Variants in NRP2 observed in about 807,000 individuals in gnomAD.
NRP2 encodes neuropilin 2.
In NRP2, 52 loss-of-function variants were observed where a neutral mutation model predicts 110.4. The observed-to-expected ratio is 0.47, with a 90% CI of 0.38 to 0.59. The LOEUF (loss-of-function observed/expected upper bound fraction) is 0.59, where lower values mean the gene tolerates loss of function less well. NRP2 is among the 20% of genes least tolerant of loss of function. The probability of loss-of-function intolerance (pLI) is 0.00; values close to 1 mark genes in which losing one functional copy is unlikely to be tolerated. For synonymous variants in NRP2, 508 were observed against 468.9 expected (o/e 1.08, Z -1.08); for missense variants, 1,049 against 1,203.0 (o/e 0.87, Z 1.89).
chr2:205,688,611 G>A (rs900102762), intron 1 of NRP2, among the ~76,000 whole-genome samples: 1 of 152,130 alleles, frequency 6.6e-6, no homozygotes, highest in Non-Finnish European at 1.5e-5. Flanking sequence ...TTTAGATAAG[G>A]CTGAGCTCCG....
intron 7 of NRP2, among the ~76,000 whole-genome samples, chr2:205,729,090 C>A (rs1258043771): frequency 2.0e-5 from 3 of 152,230 alleles, no homozygotes; most frequent in Non-Finnish European, 4.4e-5. Context: ...ATCTCCTCAG[C>A]CCCTGTCACT....
chr2:205,756,196 GT>G (rs1368792907), intron 12 of NRP2, among the ~76,000 whole-genome samples: 1 of 152,084 alleles, frequency 6.6e-6, no homozygotes, highest in Non-Finnish European at 1.5e-5. Context: ...TGCCTGGAGT[GT>G]GTTCACACCA....
chr2:205,796,430 ACACACATACACACATGCACGCACG>A lies in NRP2; in HGVS notation c.*1376_*1399del, dbSNP rs1332101900. The A allele has an allele frequency of 6.6e-6, 1 of 152,456 alleles. No individual in the cohort carries two copies. Among genetic ancestry groups the A allele is most frequent in the Non-Finnish European group, 1.5e-5 (1 of 67,994 alleles). 9.4% of individuals were successfully genotyped at this position (152,456 alleles called of 1,614,324 possible). On this transcript the variant is annotated 3_prime_UTR_variant, in exon 17 of 17. Coordinates refer to ENST00000357785, the MANE Select transcript of NRP2 (RefSeq NM_003872.3). The stretch of plus-strand genomic sequence containing the variant: ...CACACGCATACACACATGCACGCAC[ACACACATACACACATGCACGCACG>A]CACGCATGCACACCAATTTATGTTT...
chr2:205,761,424 T>G (rs2057819702), intron 12 of NRP2: 1 of 152,218 alleles, frequency 6.6e-6, no homozygotes, highest in South Asian at 2.1e-4. Context: ...CAGTGAGTGA[T>G]TACCTGCTGA....
At position 205,776,606 on chromosome 2, in the gene NRP2, C is replaced by T. The variant is rs544382153; in HGVS notation, c.2425+9803C>T. On this transcript the variant is annotated intron_variant, in intron 15 of 16. Transcript: ENST00000357785. ...CCTCGATTTTGCACTTTTTTCTCCT[C>T]GCCTAGTTTCTGTGTGAACTCTCAG... 2.6e-5 allele frequency: 42 copies of T among 1,597,980 alleles called. 1 individual carries two copies. In the South Asian group the frequency reaches 4.2e-4, roughly 16 times the overall value.
chr2:205,784,961 A>G (rs35823952), intron 15 of NRP2, among the ~76,000 whole-genome samples: 9,622 of 152,186 alleles, frequency 0.063, 414 homozygotes, highest in African/African-American at 0.11. Flanking sequence ...CCAGCAAGCT[A>G]TTGGGGGAAA....
At chr2:205,707,259 A>G (rs563933837) in intron 2 of NRP2, among the ~76,000 whole-genome samples, 1 of 152,358 alleles carries the variant, frequency 6.6e-6, no homozygotes, top group East Asian at 1.9e-4. Flanking sequence ...TTCAGAATGC[A>G]GCTGTCGAAA....
intron 1 of NRP2, among the ~76,000 whole-genome samples, chr2:205,696,320 C>G (rs1190472242): frequency 2.0e-5 from 3 of 152,098 alleles, no homozygotes; most frequent in Non-Finnish European, 4.4e-5. Context: ...GGAGAAAGAC[C>G]CATCCTGGAG....
At chr2:205,776,653 A>C (rs1288978268) in intron 15 of NRP2, 1 of 1,567,230 alleles carries the variant, frequency 6.4e-7, no homozygotes, top group African/African-American at 1.3e-5. Context: ...CCGGATCCCC[A>C]ACCCTGAGCA....
chr2:205,785,044 C>T (rs1000826079), intron 15 of NRP2, among the ~76,000 whole-genome samples: 8 of 152,212 alleles, frequency 5.3e-5, no homozygotes, highest in Admixed American at 3.3e-4. Flanking sequence ...CATTCATTCT[C>T]ATTCATTCTT....
At chr2:205,730,145 G>A (rs949335113) in intron 7 of NRP2, among the ~76,000 whole-genome samples, 3 of 152,212 alleles carry the variant, frequency 2.0e-5, no homozygotes, top group African/African-American at 4.8e-5. Flanking sequence ...TGTGGTGGAC[G>A]CCCAGGGGCT....
intron 7 of NRP2, among the ~76,000 whole-genome samples, chr2:205,733,437 A>G (rs769418113): frequency 2.0e-5 from 3 of 151,970 alleles, no homozygotes; most frequent in Non-Finnish European, 4.4e-5. Context: ...ACCCCAACTA[A>G]TGTAGATGAG....
intron 4 of NRP2, among the ~76,000 whole-genome samples, chr2:205,723,268 C>T (rs1293270457): frequency 6.6e-6 from 1 of 152,212 alleles, no homozygotes; most frequent in Non-Finnish European, 1.5e-5. Context: ...CAACATGGAT[C>T]TTGGGTCTAA....
intron 8 of NRP2, among the ~76,000 whole-genome samples, 157 bp downstream of exon 8, chr2:205,740,820 C>T (rs1251905619): frequency 6.6e-6 from 1 of 152,216 alleles, no homozygotes; most frequent in Non-Finnish European, 1.5e-5. Flanking sequence ...TTCATTCATT[C>T]ATTCAGTATA....
intron 15 of NRP2, among the ~76,000 whole-genome samples, chr2:205,789,368 C>T (rs1056760576): frequency 2.6e-5 from 4 of 152,190 alleles, no homozygotes; most frequent in African/African-American, 4.8e-5. Flanking sequence ...GGTAAGATCC[C>T]TTCCTGACCT....
chr2:205,756,734 A>G (rs574625101), intron 12 of NRP2: 2 of 152,286 alleles, frequency 1.3e-5, no homozygotes, highest in Admixed American at 1.3e-4. Flanking sequence ...TTTTGGTATG[A>G]ACCAAGAAGC....
chr2:205,769,469 C>T (rs1167245851), intron 15 of NRP2, among the ~76,000 whole-genome samples: 6 of 149,660 alleles, frequency 4.0e-5, no homozygotes, highest in Admixed American at 6.7e-5. Context: ...TTTAAATCAT[C>T]CTGTGTTTTC....
At chr2:205,780,586 C>T (rs1383665862) in intron 15 of NRP2, among the ~76,000 whole-genome samples, 1 of 152,194 alleles carries the variant, frequency 6.6e-6, no homozygotes, top group Non-Finnish European at 1.5e-5. Context: ...GATAGGATTT[C>T]CCACCAACCC....
chr2:205,728,019 G>T lies in NRP2; in HGVS notation c.1119G>T (p.Met373Ile). The part of the protein sequence containing the change: ...LEVSTNGEDW[M>I]VYRHGKNHKV... Reference sequence around the variant, plus strand: ...TCAGCACTAATGGAGAGGACTGGATGGTGTACCGGCATGGCAAAAACCACA... The same window carrying T: ...TCAGCACTAATGGAGAGGACTGGATTGTGTACCGGCATGGCAAAAACCACA... Residue 373 changes from methionine (M) to isoleucine (I), a missense_variant, in exon 7 of 17, where the codon ATG (methionine) becomes ATT (isoleucine). Transcript: ENST00000357785. 6.2e-7 allele frequency: 1 copy of T among 1,614,136 alleles called. No individual in the cohort carries two copies. Among genetic ancestry groups the T allele is most frequent in the Non-Finnish European group, 8.5e-7 (1 of 1,180,046 alleles).
Sources: allele counts gnomAD v4.1 joint callset (sites outside exome capture counted in the v4.1 genomes callset), GRCh38; gene constraint gnomAD v4.1.1; transcripts MANE v1.5; gene names NCBI Gene and HGNC (gene_info 2026-07-23, HGNC 2026-07-21).